Variants in RIT1 observed in about 807,000 individuals in gnomAD.
RIT1 encodes the protein Ras like without CAAX 1, also known as GTP-binding protein Rit1.
RIT1 carries 6 observed loss-of-function variants against 25.6 expected under a neutral mutation model. The observed-to-expected ratio is 0.23, with a 90% CI of 0.13 to 0.46. The LOEUF (loss-of-function observed/expected upper bound fraction) is 0.46. Among genes scored for constraint, RIT1 ranks in the 20% least tolerant of loss-of-function variants. The pLI, the probability that RIT1 is intolerant of heterozygous loss-of-function variation, is 0.99. For synonymous variants in RIT1, 81 were observed against 94.1 expected, an observed-to-expected ratio of 0.86 and a Z score of 0.80; for missense variants, 219 against 284.4, an observed-to-expected ratio of 0.77 and a Z score of 1.65.
In RIT1 at chr1:155,898,491, T is replaced by TAAA. The variant is rs1302294798; in HGVS notation, c.*1896_*1897insTTT. 3.4e-5 allele frequency: 2 copies of TAAA among 58,936 alleles called. No homozygotes were observed. The highest frequency in any genetic ancestry group is 1.5e-4 in the African/African-American group (2 of 13,658). 3.7% of individuals were successfully genotyped at this position (58,936 alleles called of 1,614,324 possible). Reference sequence around the variant, plus strand: ...CAACATAGTGAAACCTCATCTCTATTTAAAAAAAAAAAAAAAAAAAAAAAA... The same window carrying TAAA: ...CAACATAGTGAAACCTCATCTCTATTAAATAAAAAAAAAAAAAAAAAAAAAAAA... On this transcript the variant is annotated 3_prime_UTR_variant, in exon 6 of 6. Coordinates refer to ENST00000368323, the MANE Select transcript of RIT1 (RefSeq NM_006912.6).
intron 3 of RIT1, among the ~76,000 whole-genome samples, chr1:155,906,109 G>GT (rs1487476195): frequency 6.6e-6 from 1 of 152,092 alleles, no homozygotes; most frequent in South Asian, 2.1e-4. Flanking sequence ...GATTACAGGC[G>GT]TGAGCCACTG....
intron 3 of RIT1, among the ~76,000 whole-genome samples, chr1:155,905,156 C>G (rs896454318): frequency 1.1e-4 from 16 of 151,942 alleles, no homozygotes; most frequent in Non-Finnish European, 1.6e-4. Context: ...ATTGTTTGAG[C>G]CCAGGAGTTC....
intron 3 of RIT1, among the ~76,000 whole-genome samples, chr1:155,907,802 A>G (rs1474678300): frequency 6.6e-6 from 1 of 152,260 alleles, no homozygotes; most frequent in Admixed American, 6.5e-5. Context: ...ATTAAAACAG[A>G]TAACTTGGCC....
At chr1:155,903,692 A>C (rs1673367095) in intron 5 of RIT1, among the ~76,000 whole-genome samples, 1 of 152,100 alleles carries the variant, frequency 6.6e-6, no homozygotes, top group Non-Finnish European at 1.5e-5. Context: ...TTAACAGAGA[A>C]GCATTATGAA....
intron 3 of RIT1, among the ~76,000 whole-genome samples, chr1:155,909,817 G>C (rs1673545447): frequency 6.6e-6 from 1 of 151,784 alleles, no homozygotes; most frequent in Admixed American, 6.6e-5. Context: ...AGCTACTCAG[G>C]AGGCTGAGGC....
chr1:155,903,983 C>T (rs901327763), intron 5 of RIT1, among the ~76,000 whole-genome samples: 1 of 152,210 alleles, frequency 6.6e-6, no homozygotes, highest in Non-Finnish European at 1.5e-5. Context: ...ACTGCAACCT[C>T]CACCTCCCCA....
chr1:155,908,809 C>T (rs994692117), intron 3 of RIT1, among the ~76,000 whole-genome samples: 3 of 151,752 alleles, frequency 2.0e-5, no homozygotes, highest in Non-Finnish European at 4.4e-5. Context: ...GTGCTCCACC[C>T]GCCTCGACCT....
intron 5 of RIT1, among the ~76,000 whole-genome samples, chr1:155,901,364 A>C (rs1673308313): frequency 6.6e-6 from 1 of 152,018 alleles, no homozygotes; most frequent in Non-Finnish European, 1.5e-5. Context: ...AGCTGGGGCC[A>C]GGAGCGGTGG....
At chr1:155,900,685 C>T (rs1006549682) in intron 5 of RIT1, 67 bp from the exon 6 acceptor site, 159 of 1,238,982 alleles carry the variant, frequency 1.3e-4, no homozygotes, top group Non-Finnish European at 1.7e-4. Context: ...AACCTGAATG[C>T]ACCACCACCT....
rs148665588 is a variant in RIT1 at position 155,901,015 on chromosome 1, A to G, written c.430-397T>C. Reference sequence around the variant, plus strand: ...TTTTTAGTAGAGACGGGGTTTCTCCATGTTGGTCAGGCTGGTTGTAAACTC... The same window carrying G: ...TTTTTAGTAGAGACGGGGTTTCTCCGTGTTGGTCAGGCTGGTTGTAAACTC... On this transcript the variant is annotated intron_variant, in intron 5 of 5. Transcript: ENST00000368323. 8.4e-3 allele frequency among the ~76,000 whole-genome samples: 1,282 copies of G among 152,192 alleles called. 7 individuals are homozygous for G. Among genetic ancestry groups the G allele is most frequent in the Middle Eastern group, 0.02 (6 of 294 alleles).
At chr1:155,909,687 T>C (rs1673541381) in intron 3 of RIT1, among the ~76,000 whole-genome samples, 1 of 152,046 alleles carries the variant, frequency 6.6e-6, no homozygotes, top group Non-Finnish European at 1.5e-5. Context: ...TTTTCGAGGC[T>C]GAGGTGGATG....
intron 3 of RIT1, among the ~76,000 whole-genome samples, chr1:155,908,024 G>A (rs1477267588): frequency 2.0e-4 from 31 of 151,574 alleles, no homozygotes; most frequent in Non-Finnish European, 3.7e-4. Context: ...CCGGGGGGGC[G>A]GAGCCTGCAG....
At chr1:155,905,535 C>T (rs1018786993) in intron 3 of RIT1, among the ~76,000 whole-genome samples, 1 of 151,810 alleles carries the variant, frequency 6.6e-6, no homozygotes, top group Non-Finnish European at 1.5e-5. Context: ...AAAAATTAGG[C>T]CTGAAAAGTA....
intron 2 of RIT1, 39 bp downstream of exon 2, chr1:155,910,617 T>C (rs1673575099): frequency 6.2e-7 from 1 of 1,611,118 alleles, no homozygotes; most frequent in East Asian, 2.2e-5. Context: ...TTAAGTACTT[T>C]TCATCCATGC....
chr1:155,902,069 T>C (rs1388578954), intron 5 of RIT1, among the ~76,000 whole-genome samples: 2 of 152,214 alleles, frequency 1.3e-5, no homozygotes, highest in Non-Finnish European at 2.9e-5. Flanking sequence ...GTTGCCTTAC[T>C]TTTTAATATG....
chr1:155,910,998 A>G, intron 1 of RIT1, 194 bp from the exon 2 acceptor site: 1 of 1,265,528 alleles, frequency 7.9e-7, no homozygotes, highest in Non-Finnish European at 1.1e-6. Flanking sequence ...TAGACAGTTC[A>G]GTCACATGAC....
At position 155,898,518 on chromosome 1, in the gene RIT1, A is replaced by AATATATATATATATATATATATATATAT. The variant is rs869274002; in HGVS notation, c.*1869_*1870insATATATATATATATATATATATATATAT. ...AAAAAAAAAAAAAAAAAAAAAAAAA[A>AATATATATATATATATATATATATATAT]ATATATATATATATATATATATATA... is the stretch of plus-strand genomic sequence containing the variant. On this transcript the variant is annotated 3_prime_UTR_variant, in exon 6 of 6. Coordinates refer to ENST00000368323, the MANE Select transcript of RIT1 (RefSeq NM_006912.6). The AATATATATATATATATATATATATATAT allele has an allele frequency of 2.5e-5, 1 of 40,754 alleles. No individual in the cohort carries two copies. Among genetic ancestry groups the AATATATATATATATATATATATATATAT allele is most frequent in the African/African-American group, 7.6e-5 (1 of 13,098 alleles). 2.5% of individuals were successfully genotyped at this position (40,754 alleles called of 1,614,324 possible). A position where few individuals can be genotyped will look rare whatever the true frequency, so the allele number is the denominator to read the frequency against.
rs775961212 is a variant in RIT1 at position 155,904,605 on chromosome 1, G to C, written c.238-103C>G. The C allele has an allele frequency of 2.2e-5, 27 of 1,236,714 alleles. 1 individual carries two copies. In the South Asian group the frequency reaches 3.4e-4, roughly 16 times the overall value. 76.6% of individuals were successfully genotyped at this position (1,236,714 alleles called of 1,614,324 possible). A position where few individuals can be genotyped will look rare whatever the true frequency, so the allele number is the denominator to read the frequency against. ...TAAAGAAAACGCATGTCGATTACCT[G>C]CTATCCTGAGTCAGAGTGCATGAAA... On this transcript the variant is annotated intron_variant, in intron 4 of 5. Coordinates refer to ENST00000368323, the MANE Select transcript of RIT1 (RefSeq NM_006912.6).
rs372170139 is a variant in RIT1 at position 155,900,446 on chromosome 1, T to C, written c.602A>G (p.Asn201Ser). 17 of 1,613,918 alleles carry C rather than the reference T, an allele frequency of 1.1e-5. No individual in the cohort carries two copies. Among genetic ancestry groups the C allele is most frequent in the Non-Finnish European group, 1.3e-5 (15 of 1,179,912 alleles). Residue 201 changes from asparagine (N) to serine (S), a missense_variant, in exon 6 of 6, where the codon AAC (asparagine) becomes AGC (serine). By Grantham distance (46) the Asn-to-Ser change is conservative (BLOSUM62 1). This residue lies in a region of RIT1 where 81 missense variants were observed against 83.8 expected (regional missense o/e 0.97). Coordinates refer to ENST00000368323, the MANE Select transcript of RIT1 (RefSeq NM_006912.6). ...TGATTTTAGCCTCTTCCATACACTG[T>C]TTTTGGGCTTAGATTTTTTCTCCAT... Reference protein sequence around the residue: ...LAMEKKSKPKNSVWKRLKSPF... With the variant: ...LAMEKKSKPKSSVWKRLKSPF...
Sources: allele counts gnomAD v4.1 joint callset (sites outside exome capture counted in the v4.1 genomes callset), GRCh38; gene constraint gnomAD v4.1.1; regional missense constraint gnomAD v4.1.1; transcripts MANE v1.5; gene names NCBI Gene and HGNC (gene_info 2026-07-23, HGNC 2026-07-21).